ARHGEF28: variants seen among roughly 807,000 people sequenced by gnomAD.
The protein encoded by ARHGEF28 is Rho guanine nucleotide exchange factor 28.
ARHGEF28 carries 152 observed loss-of-function variants against 206.6 expected under a neutral mutation model. The ratio of observed to expected loss-of-function variants is 0.74; its 90% confidence interval spans 0.64 to 0.84. The LOEUF (loss-of-function observed/expected upper bound fraction) is 0.84, where lower values mean the gene tolerates loss of function less well. ARHGEF28 is among the 40% of genes least tolerant of loss of function. ARHGEF28 has a pLI of 0.00. For synonymous variants in ARHGEF28, 763 were observed against 776.4 expected, an observed-to-expected ratio of 0.98 and a Z score of 0.29; for missense variants, 2,028 against 2,073.2, an observed-to-expected ratio of 0.98 and a Z score of 0.42.
At chr5:73,920,375 T>C (rs1490254144) in intron 35 of ARHGEF28, among the ~76,000 whole-genome samples, 1 of 152,206 alleles carries the variant, frequency 6.6e-6, no homozygotes, top group Non-Finnish European at 1.5e-5. Flanking sequence ...TTTATCAATG[T>C]ATAGTACTAT....
chr5:73,886,223 C>G (rs1761285943), intron 25 of ARHGEF28, 119 bp downstream of exon 25: 4 of 1,266,252 alleles, frequency 3.2e-6, no homozygotes, highest in Non-Finnish European at 4.2e-6. Context: ...AACCCTGGGT[C>G]AGTTGAAAGA....
chr5:73,723,579 A>T (rs537396882), intron 2 of ARHGEF28, among the ~76,000 whole-genome samples: 1 of 152,338 alleles, frequency 6.6e-6, no homozygotes, highest in African/African-American at 2.4e-5. Context: ...TTCAACAAAG[A>T]TCAGTTAAGG....
At chr5:73,736,693 A>G (rs1478862489) in intron 2 of ARHGEF28, among the ~76,000 whole-genome samples, 1 of 152,200 alleles carries the variant, frequency 6.6e-6, no homozygotes, top group African/African-American at 2.4e-5. Context: ...GTGAGTTAAT[A>G]CAGTGCCTGA....
At chr5:73,898,548 C>T (rs181546474) in intron 30 of ARHGEF28, 137 of 153,816 alleles carry the variant, frequency 8.9e-4, no homozygotes, top group Admixed American at 2.2e-3. Flanking sequence ...CGGCTCCCTC[C>T]GTCTCCCTCC....
At chr5:73,719,868 T>C (rs570009076) in intron 2 of ARHGEF28, among the ~76,000 whole-genome samples, 19 of 152,332 alleles carry the variant, frequency 1.2e-4, no homozygotes, top group Admixed American at 9.8e-4. Flanking sequence ...ACTAGTGTAA[T>C]CGAGGCAAGG....
chr5:73,694,897 C>T (rs1748090682), intron 2 of ARHGEF28, among the ~76,000 whole-genome samples: 1 of 152,198 alleles, frequency 6.6e-6, no homozygotes, highest in South Asian at 2.1e-4. Flanking sequence ...GCAGAATGCA[C>T]TTGGGAGTAG....
Position 73,852,693 on chromosome 5 carries a change from G to A in ARHGEF28, c.1790+1G>A, listed in dbSNP as rs1758779846. On this transcript the variant is annotated splice_donor_variant, in intron 14 of 35. Coordinates refer to ENST00000513042, the MANE Select transcript of ARHGEF28 (RefSeq NM_001177693.2). LOFTEE classifies it high-confidence loss of function. ...TATCGGAGCCACCAAGAGAAAACAG[G>A]TACTTTTAACTATTCCAATTTTCCT... is the stretch of plus-strand genomic sequence containing the variant. 2 of 1,613,510 alleles carry A rather than the reference G, an allele frequency of 1.2e-6. No homozygotes were observed. Among genetic ancestry groups the A allele is most frequent in the Non-Finnish European group, 1.7e-6 (2 of 1,179,574 alleles).
chr5:73,661,667 C>A (rs1253875036), intron 1 of ARHGEF28, among the ~76,000 whole-genome samples: 1 of 151,882 alleles, frequency 6.6e-6, no homozygotes, highest in East Asian at 1.9e-4. Context: ...AATATTGTGT[C>A]TCAGGGAATA....
chr5:73,886,516 T>C (rs1053465769), intron 25 of ARHGEF28, among the ~76,000 whole-genome samples: 1 of 152,204 alleles, frequency 6.6e-6, no homozygotes, highest in Non-Finnish European at 1.5e-5. Context: ...AAAAGAACTC[T>C]GAATGTCATC....
At chr5:73,813,744 T>C (rs957764054) in intron 9 of ARHGEF28, 1 of 1,473,184 alleles carries the variant, frequency 6.8e-7, no homozygotes, top group African/African-American at 1.4e-5. Context: ...TCCGTGTTTC[T>C]TTGCCAGACT....
At chr5:73,725,929 T>C (rs1750243024) in intron 2 of ARHGEF28, among the ~76,000 whole-genome samples, 1 of 152,226 alleles carries the variant, frequency 6.6e-6, no homozygotes, top group Non-Finnish European at 1.5e-5. Context: ...CTTTCAGGGC[T>C]CAACTGCAAG....
chr5:73,713,637 C>T (rs563231494), intron 2 of ARHGEF28, among the ~76,000 whole-genome samples: 2 of 152,262 alleles, frequency 1.3e-5, no homozygotes, highest in Admixed American at 6.5e-5. Flanking sequence ...AACACAGAAA[C>T]ATGTTTTTTT....
At position 73,941,160 on chromosome 5, in the gene ARHGEF28, C is replaced by T; in HGVS notation, c.*147C>T. 1 of 760,494 alleles carries T rather than the reference C, an allele frequency of 1.3e-6. No homozygotes were observed. The highest frequency in any genetic ancestry group is 1.8e-6 in the Non-Finnish European group (1 of 552,524). The allele number at this position is 760,494 out of a possible 1,614,324, so 47.1% of individuals were successfully genotyped here. ...ATTTCCTGGAAGCTCATTTTTTTGG[C>T]ATGAGTCTAATTAAATTATTGAAAG... is the stretch of plus-strand genomic sequence containing the variant. On this transcript the variant is annotated 3_prime_UTR_variant, in exon 36 of 36. Coordinates refer to ENST00000513042, the MANE Select transcript of ARHGEF28 (RefSeq NM_001177693.2).
chr5:73,899,584 G>T, intron 30 of ARHGEF28: 1 of 152,326 alleles, frequency 6.6e-6, no homozygotes, highest in Non-Finnish European at 1.5e-5. Flanking sequence ...ACTGGAACAT[G>T]GTGCTATGAG....
chr5:73,771,163 C>T (rs1378487846), intron 4 of ARHGEF28, among the ~76,000 whole-genome samples: 4 of 152,172 alleles, frequency 2.6e-5, no homozygotes, highest in Non-Finnish European at 5.9e-5. Context: ...CCCTTTTGAT[C>T]ATTTTTTTGG....
chr5:73,642,655 G>T (rs539384551), intron 1 of ARHGEF28, among the ~76,000 whole-genome samples: 1 of 151,348 alleles, frequency 6.6e-6, no homozygotes, highest in Non-Finnish European at 1.5e-5. Flanking sequence ...CCTTGATTCC[G>T]TCTTCTTGGT....
intron 2 of ARHGEF28, among the ~76,000 whole-genome samples, chr5:73,699,112 T>C (rs1337782044): frequency 1.3e-5 from 2 of 152,042 alleles, no homozygotes; most frequent in African/African-American, 2.4e-5. Context: ...GGTGGAATTA[T>C]TGGTGGCAGA....
intron 2 of ARHGEF28, among the ~76,000 whole-genome samples, chr5:73,717,828 G>GA (rs1749680058): frequency 6.6e-6 from 1 of 152,150 alleles, no homozygotes; most frequent in Non-Finnish European, 1.5e-5. Context: ...GTTGGACATG[G>GA]AAATGATGCT....
chr5:73,746,719 T>A (rs892677365), intron 2 of ARHGEF28, among the ~76,000 whole-genome samples: 4 of 152,118 alleles, frequency 2.6e-5, no homozygotes, highest in Non-Finnish European at 5.9e-5. Context: ...TATTGAATTG[T>A]CCATTCTTTC....
Sources: allele counts gnomAD v4.1 joint callset (sites outside exome capture counted in the v4.1 genomes callset), GRCh38; gene constraint gnomAD v4.1.1; transcripts MANE v1.5; gene names NCBI Gene and HGNC (gene_info 2026-07-23, HGNC 2026-07-21).